The following FHIP1A variants were observed in gnomAD, a reference collection of about 807,000 sequenced individuals.
The protein encoded by FHIP1A is FHF complex subunit HOOK interacting protein 1A, also known as FHF complex subunit HOOK-interacting protein 1A.
Under a neutral mutation model 88.6 loss-of-function variants are expected in FHIP1A, and 61 were observed. That is an observed-to-expected ratio of 0.69 (90% confidence interval 0.56 to 0.85). FHIP1A has a LOEUF of 0.85. Ranked by LOEUF, FHIP1A falls within the 40% of genes least tolerant of loss-of-function variation. The probability of loss-of-function intolerance (pLI) is 0.00; values close to 1 mark genes in which losing one functional copy is unlikely to be tolerated. For missense variants in FHIP1A, 1,154 were observed against 1,273.5 expected, an observed-to-expected ratio of 0.91 and a Z score of 1.43; for synonymous variants, 478 against 496.0, an observed-to-expected ratio of 0.96 and a Z score of 0.48.
At chr4:151,595,676 G>A (rs561285202) in intron 7 of FHIP1A, among the ~76,000 whole-genome samples, 46 of 152,262 alleles carry the variant, frequency 3.0e-4, no homozygotes, top group African/African-American at 1.0e-3. Flanking sequence ...GTTTGTAGGT[G>A]TCTAAGAACT....
At chr4:151,586,566 C>T (rs1734220874) in intron 5 of FHIP1A, 75 bp from the exon 6 acceptor site, 2 of 1,205,224 alleles carry the variant, frequency 1.7e-6, no homozygotes, top group African/African-American at 1.5e-5. Context: ...GCAGCATTGG[C>T]ATCACCTGTG....
At chr4:151,587,488 T>C (rs1734262786) in intron 6 of FHIP1A, among the ~76,000 whole-genome samples, 1 of 151,192 alleles carries the variant, frequency 6.6e-6, no homozygotes, top group African/African-American at 2.4e-5. Flanking sequence ...TATTAAGAAA[T>C]CAAGTTTTCT....
chr4:151,554,547 C>T lies in FHIP1A; in HGVS notation c.-122-11591C>T, dbSNP rs146347903. Among the ~76,000 whole-genome samples the T allele has an allele frequency of 8.0e-3, 1,211 of 152,244 alleles. 7 individuals carry two copies. Among genetic ancestry groups the T allele is most frequent in the Middle Eastern group, 0.02 (6 of 294 alleles). On this transcript the variant is annotated intron_variant, in intron 3 of 13. Coordinates refer to ENST00000435205, the MANE Select transcript of FHIP1A (RefSeq NM_001109977.3). ...AAGATATTAATAGGCAGGTTTAAGG[C>T]AGGTACTTAGTAGGCACTTTGTTCA...
At chr4:151,520,626 A>G (rs1436417874) in intron 3 of FHIP1A, among the ~76,000 whole-genome samples, 1 of 152,212 alleles carries the variant, frequency 6.6e-6, no homozygotes, top group East Asian at 1.9e-4. Flanking sequence ...CAAGACAAAT[A>G]TGTATAACAT....
intron 3 of FHIP1A, among the ~76,000 whole-genome samples, chr4:151,485,102 G>A (rs1264200005): frequency 6.6e-6 from 1 of 152,084 alleles, no homozygotes; most frequent in Non-Finnish European, 1.5e-5. Context: ...CCTACATAAT[G>A]CTGTAAATCT....
chr4:151,636,290 T>C (rs1736349966), intron 8 of FHIP1A, among the ~76,000 whole-genome samples: 1 of 151,986 alleles, frequency 6.6e-6, no homozygotes, highest in Admixed American at 6.6e-5. Flanking sequence ...ATAAAGGGCA[T>C]CTATGAAAAA....
chr4:151,439,559 C>T (rs908405600), intron 1 of FHIP1A, among the ~76,000 whole-genome samples: 2 of 151,976 alleles, frequency 1.3e-5, no homozygotes, highest in African/African-American at 4.8e-5. Flanking sequence ...GTCTTTTGTT[C>T]TAAGATGAAG....
In FHIP1A at chr4:151,578,045, A is replaced by G. The variant is rs1244244304; in HGVS notation, c.701A>G (p.His234Arg). Residue 234 changes from histidine (H) to arginine (R), a missense_variant, in exon 5 of 14, where the codon CAT (histidine) becomes CGT (arginine). His to Arg is a conservative substitution (Grantham distance 29). Coordinates refer to ENST00000435205, the MANE Select transcript of FHIP1A (RefSeq NM_001109977.3). Reference sequence around the variant, plus strand: ...TCTGCTGAGAACACCATGGTGGCCCATCACATCGTGGAGAACACCTACTTT... The same window carrying G: ...TCTGCTGAGAACACCATGGTGGCCCGTCACATCGTGGAGAACACCTACTTT... ...SLSAENTMVA[H>R]HIVENTYFCP... The G allele has an allele frequency of 1.3e-6, 2 of 1,550,728 alleles. No individual in the cohort carries two copies. The highest frequency in any genetic ancestry group is 1.2e-5 in the South Asian group (1 of 84,044).
intron 3 of FHIP1A, among the ~76,000 whole-genome samples, chr4:151,504,871 G>C (rs1730777696): frequency 6.6e-6 from 1 of 152,126 alleles, no homozygotes; most frequent in Non-Finnish European, 1.5e-5. Context: ...ACGCACCTCG[G>C]CCTCCCAACG....
intron 8 of FHIP1A, among the ~76,000 whole-genome samples, chr4:151,633,448 A>G (rs911587912): frequency 2.0e-5 from 3 of 151,980 alleles, no homozygotes; most frequent in African/African-American, 7.2e-5. Context: ...AACATTTTCA[A>G]ACTAATTTTA....
At chr4:151,563,368 G>C (rs779216289) in intron 3 of FHIP1A, among the ~76,000 whole-genome samples, 6 of 151,974 alleles carry the variant, frequency 3.9e-5, no homozygotes, top group Admixed American at 6.6e-5. Context: ...TCACTCCTTG[G>C]CATCTAAATG....
chr4:151,599,287 C>G (rs1734769487), intron 7 of FHIP1A, among the ~76,000 whole-genome samples: 1 of 152,166 alleles, frequency 6.6e-6, no homozygotes, highest in African/African-American at 2.4e-5. Flanking sequence ...TCAACAAGAG[C>G]TAGTTTTGTT....
intron 1 of FHIP1A, among the ~76,000 whole-genome samples, chr4:151,419,433 C>CTTTA (rs1670716907): frequency 6.6e-6 from 1 of 152,154 alleles, no homozygotes; most frequent in Admixed American, 6.5e-5. Flanking sequence ...TAATAAGTCT[C>CTTTA]TTTATAAACA....
intron 2 of FHIP1A, among the ~76,000 whole-genome samples, chr4:151,464,247 T>C (rs1729232928): frequency 6.6e-6 from 1 of 152,182 alleles, no homozygotes; most frequent in Non-Finnish European, 1.5e-5. Context: ...TATAATAGAA[T>C]CACAGAAATG....
intron 8 of FHIP1A, among the ~76,000 whole-genome samples, chr4:151,631,971 G>A (rs1373702899): frequency 6.6e-6 from 1 of 152,026 alleles, no homozygotes; most frequent in Non-Finnish European, 1.5e-5. Flanking sequence ...AAATGTGGAT[G>A]GATTAAACAC....
intron 3 of FHIP1A, among the ~76,000 whole-genome samples, chr4:151,520,531 T>G (rs1404282576): frequency 5.3e-5 from 8 of 152,216 alleles, no homozygotes; most frequent in Admixed American, 5.2e-4. Context: ...TTTTTATTAT[T>G]AAAAACTGTA....
intron 3 of FHIP1A, among the ~76,000 whole-genome samples, chr4:151,527,791 A>C (rs1352205811): frequency 1.3e-5 from 2 of 152,234 alleles, no homozygotes; most frequent in African/African-American, 2.4e-5. Context: ...AGAGAGGTTC[A>C]GAAATGAATA....
At chr4:151,525,835 T>C (rs1030799020) in intron 3 of FHIP1A, among the ~76,000 whole-genome samples, 1 of 151,598 alleles carries the variant, frequency 6.6e-6, no homozygotes, top group Non-Finnish European at 1.5e-5. Flanking sequence ...CAGGACAATA[T>C]TGGAGGGAAG....
intron 7 of FHIP1A, among the ~76,000 whole-genome samples, chr4:151,598,919 T>A (rs1238876043): frequency 1.3e-5 from 2 of 152,236 alleles, no homozygotes; most frequent in Non-Finnish European, 2.9e-5. Context: ...CTTGTGTTAA[T>A]ATTTGTATGT....
Sources: allele counts gnomAD v4.1 joint callset (sites outside exome capture counted in the v4.1 genomes callset), GRCh38; gene constraint gnomAD v4.1.1; transcripts MANE v1.5; gene names NCBI Gene and HGNC (gene_info 2026-07-23, HGNC 2026-07-21).